Variants in HCLS1 observed in about 807,000 individuals in gnomAD.
The protein encoded by HCLS1 is hematopoietic lineage cell-specific protein.
Under a neutral mutation model 68.6 loss-of-function variants are expected in HCLS1, and 44 were observed. The observed-to-expected ratio is 0.64, with a 90% confidence interval of 0.50 to 0.82. The LOEUF is 0.82. HCLS1 is among the 40% of genes least tolerant of loss of function. HCLS1 has a pLI of 0.00. For missense variants in HCLS1, 602 were observed against 612.1 expected, an observed-to-expected ratio of 0.98 and a Z score of 0.17; for synonymous variants, 217 against 225.8, an observed-to-expected ratio of 0.96 and a Z score of 0.35.
intron 3 of HCLS1, chr3:121,656,902 A>T (rs1269909587): frequency 5.8e-6 from 1 of 172,252 alleles, no homozygotes; most frequent in Non-Finnish European, 1.2e-5. Flanking sequence ...GAAGAGATAG[A>T]TAGGAGATAG....
chr3:121,659,106 T>C (rs566980862), intron 1 of HCLS1, among the ~76,000 whole-genome samples: 10 of 152,340 alleles, frequency 6.6e-5, no homozygotes, highest in Admixed American at 2.0e-4. Context: ...AAGAATAATA[T>C]GTAATAAATC....
chr3:121,641,951 G>A (rs1414330318), intron 6 of HCLS1, among the ~76,000 whole-genome samples: 1 of 150,276 alleles, frequency 6.7e-6, no homozygotes, highest in Non-Finnish European at 1.5e-5. Flanking sequence ...GTAGTGGCGG[G>A]TGCCTGTAGT....
intron 6 of HCLS1, among the ~76,000 whole-genome samples, chr3:121,642,094 A>AC (rs1405512052): frequency 3.4e-5 from 5 of 149,214 alleles, no homozygotes; most frequent in Admixed American, 2.7e-4. Context: ...AAAAAAAAAA[A>AC]AAAACTTGAT....
At position 121,633,126 on chromosome 3, in the gene HCLS1, C is replaced by T. The variant is rs577300471; in HGVS notation, c.949G>A (p.Val317Met). The T allele has an allele frequency of 6.2e-7, 1 of 1,613,128 alleles. No individual in the cohort carries two copies. Among genetic ancestry groups the T allele is most frequent in the East Asian group, 2.2e-5 (1 of 44,860 alleles). Reference sequence around the variant, plus strand: ...ACTGGGTGTTCCCTGCTGGTTCTCACAGGCTCAGACTCTGATGATGGAGGA... The same window carrying T: ...ACTGGGTGTTCCCTGCTGGTTCTCATAGGCTCAGACTCTGATGATGGAGGA... ...GTPPSSESEPVRTSREHPVPL... is the reference protein window; with the variant it reads ...GTPPSSESEPMRTSREHPVPL... Residue 317 changes from valine to methionine, a missense_variant, in exon 11 of 14, where the codon GTG becomes ATG. By Grantham distance (21) the Val-to-Met change is conservative (BLOSUM62 1). Transcript: ENST00000314583.
chr3:121,652,906 T>C (rs1220593498), intron 3 of HCLS1, among the ~76,000 whole-genome samples: 3 of 152,182 alleles, frequency 2.0e-5, no homozygotes, highest in Non-Finnish European at 2.9e-5. Context: ...ATTATGTTTA[T>C]TAGACAAAAA....
chr3:121,644,956 GA>G lies in HCLS1; in HGVS notation c.289-29del, dbSNP rs779385074. 18 of 1,522,944 alleles carry G rather than the reference GA, an allele frequency of 1.2e-5. No individual in the cohort carries two copies. In the Admixed American group the frequency reaches 2.8e-4, roughly 24 times the overall value. 94.3% of individuals were successfully genotyped at this position (1,522,944 alleles called of 1,614,324 possible). Reference sequence around the variant, plus strand: ...GAGAAAAATCAAGGATGGAGTGAGTGAAAAGATAAAAATGACCTTAAAAAAA... The same window carrying G: ...GAGAAAAATCAAGGATGGAGTGAGTGAAAGATAAAAATGACCTTAAAAAAA... On this transcript the variant is annotated intron_variant, in intron 4 of 13. Transcript: ENST00000314583.
Position 121,636,455 on chromosome 3 carries a change from G to C in HCLS1, c.600C>G (p.Ile200Met), listed in dbSNP as rs2049152479. ...YAKGFGGQYG[I>M]QKDRVDKSAV... is the part of the protein sequence containing the mutation. ...TTACCTTATCCACTCGGTCCTTCTG[G>C]ATTCCATACTGGCCACCAAAGCCCT... Residue 200 changes from isoleucine (I) to methionine (M), a missense_variant, in exon 8 of 14, where the codon ATC becomes ATG. By Grantham distance (10) the Ile-to-Met change is conservative (BLOSUM62 1). Coordinates refer to ENST00000314583, the MANE Select transcript of HCLS1 (RefSeq NM_005335.6). 1.2e-6 allele frequency: 2 copies of C among 1,613,698 alleles called. No individual in the cohort carries two copies. The highest frequency in any genetic ancestry group is 4.5e-5 in the East Asian group (2 of 44,882).
At chr3:121,658,576 C>T (rs567363805) in intron 1 of HCLS1, among the ~76,000 whole-genome samples, 2 of 152,250 alleles carry the variant, frequency 1.3e-5, no homozygotes, top group East Asian at 3.9e-4. Context: ...GTGGGCTGGG[C>T]CCACCTGGGG....
intron 9 of HCLS1, among the ~76,000 whole-genome samples, chr3:121,635,257 C>T (rs909815068): frequency 6.7e-6 from 1 of 148,848 alleles, no homozygotes; most frequent in Non-Finnish European, 1.5e-5. Flanking sequence ...CTCTCTCTCT[C>T]TCTCTCTCTC....
At chr3:121,637,362 T>C in intron 6 of HCLS1, 106 bp from the exon 7 acceptor site, 2 of 734,260 alleles carry the variant, frequency 2.7e-6, no homozygotes, top group Non-Finnish European at 4.9e-6. Context: ...GTTAGGGGCC[T>C]GGGAAAAGAG....
intron 6 of HCLS1, among the ~76,000 whole-genome samples, chr3:121,638,187 G>A (rs1416556972): frequency 3.3e-5 from 5 of 152,018 alleles, no homozygotes; most frequent in African/African-American, 1.2e-4. Flanking sequence ...CAATCCTCCT[G>A]AGTAACTGGG....
chr3:121,637,059 T>G, intron 7 of HCLS1, 87 bp downstream of exon 7: 2 of 926,118 alleles, frequency 2.2e-6, no homozygotes, highest in Non-Finnish European at 3.6e-6. Context: ...CCCCTCTGTA[T>G]TCTGGGGCAC....
At chr3:121,655,101 T>C (rs1937832438) in intron 3 of HCLS1, among the ~76,000 whole-genome samples, 1 of 152,192 alleles carries the variant, frequency 6.6e-6, no homozygotes, top group South Asian at 2.1e-4. Context: ...CTCCATCGTT[T>C]ATTCTATCTG....
chr3:121,636,346 C>T, intron 8 of HCLS1, 88 bp downstream of exon 8: 2 of 1,114,726 alleles, frequency 1.8e-6, no homozygotes, highest in Non-Finnish European at 1.4e-6. Flanking sequence ...CCGTCCCCTC[C>T]CTCTCCCAGC....
chr3:121,653,366 C>T (rs889830516), intron 3 of HCLS1, among the ~76,000 whole-genome samples: 8 of 152,268 alleles, frequency 5.3e-5, no homozygotes, highest in South Asian at 2.1e-4. Context: ...TCTGTATCCT[C>T]GGACAAATTG....
intron 10 of HCLS1, among the ~76,000 whole-genome samples, chr3:121,633,892 C>G (rs1248383515): frequency 1.3e-5 from 2 of 152,310 alleles, no homozygotes; most frequent in East Asian, 3.9e-4. Context: ...TCTGCCAATT[C>G]AAATGGAACT....
rs960981694 is a variant in HCLS1, at chr3:121,640,468, G to A, written c.454+2459C>T. Among the ~76,000 whole-genome samples the A allele has an allele frequency of 1.1e-4, 17 of 151,996 alleles. No homozygotes were observed. The East Asian group carries it at 3.3e-3, about 29-fold the overall frequency. On this transcript the variant is annotated intron_variant, in intron 6 of 13. Transcript: ENST00000314583. ...GAACGCAGATTAGTCAGAAGAAATG[G>A]CACAGCCAAGAACTGCAAATAATAT...
chr3:121,637,187 T>C lies in HCLS1; in HGVS notation c.524A>G (p.Tyr175Cys). The C allele has an allele frequency of 1.1e-5, 17 of 1,614,022 alleles. No individual in the cohort carries two copies. Among genetic ancestry groups the C allele is most frequent in the Non-Finnish European group, 1.4e-5 (17 of 1,179,898 alleles). ...KDKWDKAALGYDYKGETEKHE... is the reference protein window; with the variant it reads ...KDKWDKAALGCDYKGETEKHE... ...TTTCTCCGTCTCTCCCTTGTAGTCA[T>C]ATCCCAGAGCTGCTTTGTCCCATTT... The change falls in exon 7 of 14, where the codon TAT (tyrosine) becomes TGT (cysteine). Residue 175 changes from tyrosine (Y) to cysteine (C), a missense_variant. Coordinates refer to ENST00000314583, the MANE Select transcript of HCLS1 (RefSeq NM_005335.6).
intron 2 of HCLS1, 53 bp downstream of exon 2, chr3:121,658,211 C>G: frequency 4.3e-5 from 54 of 1,261,344 alleles, no homozygotes; most frequent in Non-Finnish European, 5.2e-5. Context: ...GGCCCAGATG[C>G]CCTCCTCACC....
Sources: allele counts gnomAD v4.1 joint callset (sites outside exome capture counted in the v4.1 genomes callset), GRCh38; gene constraint gnomAD v4.1.1; transcripts MANE v1.5; gene names NCBI Gene and HGNC (gene_info 2026-07-23, HGNC 2026-07-21).